The following ABCA4 variants were observed in gnomAD, a reference collection of about 807,000 sequenced individuals.
The protein encoded by ABCA4 is ATP binding cassette subfamily A member 4, also known as retinal-specific phospholipid-transporting ATPase ABCA4.
In ABCA4, 196 loss-of-function variants were observed where a neutral mutation model predicts 263.7. The ratio of observed to expected loss-of-function variants is 0.74; its 90% CI spans 0.66 to 0.84. The LOEUF is 0.84. Ranked by LOEUF, ABCA4 falls within the 40% of genes least tolerant of loss-of-function variation. The pLI is 0.00. For synonymous variants in ABCA4, 1,133 were observed against 1,094.2 expected (o/e 1.04, Z -0.70); for missense variants, 2,792 against 2,855.1 (o/e 0.98, Z 0.50).
chr1:94,023,177 C>T (rs1440684081), intron 32 of ABCA4, among the ~76,000 whole-genome samples: 1 of 152,180 alleles, frequency 6.6e-6, no homozygotes, highest in Non-Finnish European at 1.5e-5. Context: ...GCCACCCCCA[C>T]TTATGTCCTC....
chr1:94,116,784 G>GT (rs1478332149), intron 1 of ABCA4, among the ~76,000 whole-genome samples: 1 of 152,112 alleles, frequency 6.6e-6, no homozygotes, highest in Admixed American at 6.5e-5. Flanking sequence ...TTAAAAACAT[G>GT]TTTTCTCAGC....
intron 8 of ABCA4, among the ~76,000 whole-genome samples, chr1:94,079,993 C>CA (rs4147885): frequency 0.15 from 22,386 of 148,336 alleles, 2,007 homozygotes; most frequent in Middle Eastern, 0.26. Flanking sequence ...CATAGAAGAC[C>CA]AAAAAAAAAA....
At chr1:94,031,649 A>C in intron 27 of ABCA4, 129 bp downstream of exon 27, 1 of 1,311,100 alleles carries the variant, frequency 7.6e-7, no homozygotes, top group Admixed American at 2.0e-5. Context: ...CAGGAAACAA[A>C]ACCAGCAGAA....
In ABCA4 at chr1:94,044,607, G is replaced by A. The variant is rs759668436; in HGVS notation, c.3050+6C>T. 1.2e-5 allele frequency: 19 copies of A among 1,614,052 alleles called. No individual in the cohort carries two copies. The East Asian group carries it at 2.5e-4, about 21-fold the overall frequency. ...ATGGGGCGGTCTCAGTTCCTGTGTC[G>A]CTTACTGGTGGAACAGGATGTTGTG... On this transcript the variant is annotated splice_donor_region_variant and intron_variant, in intron 20 of 49. Coordinates refer to ENST00000370225, the MANE Select transcript of ABCA4 (RefSeq NM_000350.3).
intron 6 of ABCA4, among the ~76,000 whole-genome samples, chr1:94,086,845 G>T (rs911282194): frequency 1.3e-5 from 2 of 152,066 alleles, no homozygotes; most frequent in South Asian, 2.1e-4. Flanking sequence ...AAGACTAAGG[G>T]TTCCCTCCAA....
chr1:94,072,459 T>C (rs1357335391), intron 11 of ABCA4, among the ~76,000 whole-genome samples: 3 of 152,188 alleles, frequency 2.0e-5, no homozygotes. Flanking sequence ...TGAATAGTAT[T>C]TCATCTGTGC....
intron 38 of ABCA4, 59 bp downstream of exon 38, chr1:94,014,484 C>T: frequency 6.3e-7 from 1 of 1,597,034 alleles, no homozygotes; most frequent in East Asian, 2.2e-5. Context: ...CTCTGCTCGA[C>T]CAACACATAC....
Position 94,063,187 on chromosome 1 carries a change from G to C in ABCA4, c.1685C>G (p.Ser562Cys). 6.2e-7 allele frequency: 1 copy of C among 1,614,156 alleles called. No individual in the cohort carries two copies. The highest frequency in any genetic ancestry group is 8.5e-7 in the Non-Finnish European group (1 of 1,180,026). The change falls in exon 12 of 50, where the codon TCT becomes TGT. Residue 562 changes from serine to cysteine, a missense_variant. Transcript: ENST00000370225. The part of the protein sequence containing the change: ...VFPDMYPWTS[S>C]LPPHVKYKIR... ...CTTATACTTCACGTGGGGTGGTAGA[G>C]AGCTGGTCCAGGGATACATGTCAGG...
chr1:94,055,167 A>C lies in ABCA4; in HGVS notation c.2531T>G (p.Leu844Arg), dbSNP rs1660938577. The C allele has an allele frequency of 1.2e-6, 2 of 1,614,152 alleles. No individual in the cohort carries two copies. Among genetic ancestry groups the C allele is most frequent in the Non-Finnish European group, 1.7e-6 (2 of 1,180,026 alleles). The change falls in exon 16 of 50, where the codon CTC becomes CGC. Residue 844 changes from leucine (L) to arginine (R), a missense_variant. Physicochemically the swap from Leu to Arg is moderately radical, Grantham distance 102 (BLOSUM62 -2). Coordinates refer to ENST00000370225, the MANE Select transcript of ABCA4 (RefSeq NM_000350.3). ...TAAGCCATAGACAGCAGCATCAAGG[A>C]GCATCATCTGCATGGACAGCAGGAA... ...FSFLLSMQMM[L>R]LDAAVYGLLA... is the part of the protein sequence containing the mutation.
At chr1:94,020,458 A>G (rs1659864808) in intron 35 of ABCA4, among the ~76,000 whole-genome samples, 2 of 152,238 alleles carry the variant, frequency 1.3e-5, no homozygotes, top group African/African-American at 4.8e-5. Context: ...TGATAAAACT[A>G]CAGATCATAT....
rs1167285635 is a variant in ABCA4 at position 94,007,662 on chromosome 1, A to T, written c.5977T>A (p.Ser1993Thr). 1.2e-6 allele frequency: 2 copies of T among 1,613,942 alleles called. No individual in the cohort carries two copies. The highest frequency in any genetic ancestry group is 1.3e-5 in the African/African-American group (1 of 74,902). ...TTGCCTGCTACGGTGGCATCCCCTG[A>T]GGTCACTGTGGTGTCCCCAGTGAGC... ...KMLTGDTTVT[S>T]GDATVAGKSI... Residue 1993 changes from serine to threonine, a missense_variant, in exon 43 of 50, where the codon TCA (serine) becomes ACA (threonine). Physicochemically the swap from Ser to Thr is moderately conservative, Grantham distance 58 (BLOSUM62 1). Transcript: ENST00000370225.
At chr1:94,025,117 C>T in intron 30 of ABCA4, 69 bp from the exon 31 acceptor site, 1 of 1,300,300 alleles carries the variant, frequency 7.7e-7, no homozygotes, top group Non-Finnish European at 1.1e-6. Context: ...TGTGAAACTG[C>T]TTGTTGTCTT....
intron 14 of ABCA4, among the ~76,000 whole-genome samples, chr1:94,057,866 C>T (rs888335803): frequency 8.5e-5 from 13 of 152,194 alleles, no homozygotes; most frequent in East Asian, 1.9e-4. Context: ...TCTCTGAACA[C>T]GTAAATGAGT....
Position 94,079,419 on chromosome 1 carries a change from G to C in ABCA4, c.1142C>G (p.Pro381Arg). The change falls in exon 9 of 50, where the codon CCT (proline) becomes CGT (arginine). Residue 381 changes from proline (P) to arginine (R), a missense_variant. By Grantham distance (103) the Pro-to-Arg change is moderately radical (BLOSUM62 -2). Coordinates refer to ENST00000370225, the MANE Select transcript of ABCA4 (RefSeq NM_000350.3). ...CGCCCTCCAAGCGATTTTGGTTAAA[G>C]GATTTGACTCCAGGCTCTGGATCAA... ...NALIQSLESN[P>R]LTKIAWRAAK... The C allele has an allele frequency of 1.2e-6, 2 of 1,614,190 alleles. No homozygotes were observed. Among genetic ancestry groups the C allele is most frequent in the Non-Finnish European group, 1.7e-6 (2 of 1,180,040 alleles).
chr1:94,067,085 T>C (rs1323626724), intron 11 of ABCA4, among the ~76,000 whole-genome samples: 7 of 152,354 alleles, frequency 4.6e-5, no homozygotes, highest in African/African-American at 2.4e-5. Flanking sequence ...AGGGCCTCGA[T>C]ATATGTTTAC....
chr1:94,036,291 A>G (rs374278605), intron 26 of ABCA4, among the ~76,000 whole-genome samples: 1 of 150,310 alleles, frequency 6.7e-6, no homozygotes, highest in East Asian at 1.9e-4. Flanking sequence ...ACTCAAAGCC[A>G]TCTAGGATGC....
chr1:94,059,565 T>C (rs1029044847), intron 14 of ABCA4: 4 of 152,146 alleles, frequency 2.6e-5, no homozygotes, highest in Non-Finnish European at 5.9e-5. Flanking sequence ...CATTTGTGGA[T>C]CAGGTGGGTA....
At chr1:94,001,373 C>CA (rs1557759131) in intron 45 of ABCA4, 1 of 567,978 alleles carries the variant, frequency 1.8e-6, no homozygotes, top group Non-Finnish European at 3.2e-6. Flanking sequence ...GAATTCTCCT[C>CA]AAAAAAAGAA....
chr1:94,101,399 A>G (rs1662284695), intron 5 of ABCA4, among the ~76,000 whole-genome samples: 1 of 152,194 alleles, frequency 6.6e-6, no homozygotes, highest in African/African-American at 2.4e-5. Flanking sequence ...GGGCCTGGGC[A>G]CTGCAGGCGC....
Sources: gnomAD v4.1 joint callset for allele counts (sites outside exome capture counted in the v4.1 genomes callset) on GRCh38, gnomAD v4.1.1 for gene constraint, MANE v1.5 for transcripts, NCBI Gene and HGNC (gene_info 2026-07-23, HGNC 2026-07-21) for gene names.